AK9: variants seen among roughly 807,000 people sequenced by gnomAD.
AK9 encodes the protein adenylate kinase 9.
In AK9, 191 loss-of-function variants were observed where a neutral mutation model predicts 239.6. The ratio of observed to expected loss-of-function variants is 0.80; its 90% CI spans 0.71 to 0.90. The LOEUF (loss-of-function observed/expected upper bound fraction) is 0.90. Ranked by LOEUF, AK9 falls within the 40% of genes least tolerant of loss-of-function variation. AK9 has a pLI of 0.00. For missense variants in AK9, 1,995 were observed against 2,214.7 expected (o/e 0.90, Z 1.99); for synonymous variants, 689 against 721.0 (o/e 0.96, Z 0.71).
chr6:109,610,507 G>A lies in AK9; in HGVS notation c.1700C>T (p.Thr567Ile), dbSNP rs200256350. The change falls in exon 17 of 41, where the codon ACA (threonine) becomes ATA (isoleucine). Residue 567 changes from threonine to isoleucine, a missense_variant. Physicochemically the swap from Thr to Ile is moderately conservative, Grantham distance 89. Coordinates refer to ENST00000424296, the MANE Select transcript of AK9 (RefSeq NM_001145128.3). Reference protein sequence around the residue: ...DVKLYSDTAPTEDLIEEVTAD... With the variant: ...DVKLYSDTAPIEDLIEEVTAD... ...AGTTACCTCTTCTATCAAGTCTTCT[G>A]TTGGGGCTAAAGTAAAATAAGCTGA... 361 of 1,550,396 alleles carry A rather than the reference G, an allele frequency of 2.3e-4. 1 individual carries two copies. Among genetic ancestry groups the A allele is most frequent in the Non-Finnish European group, 3.0e-4 (346 of 1,146,546 alleles).
At chr6:109,667,559 C>T (rs927955093) in intron 5 of AK9, among the ~76,000 whole-genome samples, 1 of 151,836 alleles carries the variant, frequency 6.6e-6, no homozygotes, top group Non-Finnish European at 1.5e-5. Context: ...CCTCTCCCCC[C>T]ATCCCACAAC....
At chr6:109,558,564 C>T (rs1157012130) in intron 24 of AK9, among the ~76,000 whole-genome samples, 1 of 152,132 alleles carries the variant, frequency 6.6e-6, no homozygotes, top group East Asian at 1.9e-4. Flanking sequence ...TCTGGACTCT[C>T]TTGTGTTCTA....
At chr6:109,589,521 A>G (rs1476953930) in intron 17 of AK9, among the ~76,000 whole-genome samples, 2 of 152,078 alleles carry the variant, frequency 1.3e-5, no homozygotes, top group Non-Finnish European at 2.9e-5. Context: ...AACAGTAGAG[A>G]TTATTTGAGT....
intron 7 of AK9, 40 bp downstream of exon 7, chr6:109,659,187 TA>T: frequency 6.8e-7 from 1 of 1,466,128 alleles, no homozygotes; most frequent in Non-Finnish European, 9.0e-7. Context: ...ATAGCAATTT[TA>T]AAAAGTGTAG....
intron 7 of AK9, among the ~76,000 whole-genome samples, chr6:109,657,165 A>G (rs1799805053): frequency 6.6e-6 from 1 of 152,186 alleles, no homozygotes; most frequent in Admixed American, 6.5e-5. Flanking sequence ...TTCAGAGACA[A>G]AATAGAGAAA....
At position 109,671,914 on chromosome 6, in the gene AK9, C is replaced by A. The variant is rs760010626; in HGVS notation, c.331+5G>T. On this transcript the variant is annotated splice_donor_5th_base_variant and intron_variant, in intron 5 of 40. Coordinates refer to ENST00000424296, the MANE Select transcript of AK9 (RefSeq NM_001145128.3). ...TGGGCTGTAAATATATTAAAATAAA[C>A]ATACCAAAGTGACAGACTTCTGGGG... 1.2e-6 allele frequency: 2 copies of A among 1,611,662 alleles called. No individual in the cohort carries two copies. The highest frequency in any genetic ancestry group is 1.3e-5 in the African/African-American group (1 of 74,812).
intron 31 of AK9, among the ~76,000 whole-genome samples, chr6:109,515,283 A>G (rs979381714): frequency 6.6e-6 from 1 of 152,194 alleles, no homozygotes; most frequent in African/African-American, 2.4e-5. Flanking sequence ...TCCCACTCAC[A>G]TAAACATTAA....
chr6:109,659,449 T>G (rs374195058), intron 6 of AK9, 36 bp from the exon 7 acceptor site: 1 of 1,565,138 alleles, frequency 6.4e-7, no homozygotes, highest in Non-Finnish European at 8.7e-7. Context: ...TTAAAACATT[T>G]TGAATATGCT....
At chr6:109,502,835 A>C (rs1268306757) in intron 35 of AK9, among the ~76,000 whole-genome samples, 1 of 152,178 alleles carries the variant, frequency 6.6e-6, no homozygotes, top group Non-Finnish European at 1.5e-5. Context: ...TGAGCATGGC[A>C]GTGGGCTCTT....
rs536373564 is a variant in AK9 at position 109,517,545 on chromosome 6, A to G, written c.3634-903T>C. ...TTACCTGTAAAATAAGAATAATAAA[A>G]GTATCTCACAGGGTTGCTGGGAGCA... On this transcript the variant is annotated intron_variant, in intron 29 of 40. Transcript: ENST00000424296. Among the ~76,000 whole-genome samples the G allele has an allele frequency of 1.5e-4, 23 of 152,322 alleles. No homozygotes were observed. The Middle Eastern group carries it at 0.01, about 68-fold the overall frequency.
At chr6:109,546,610 C>T (rs969158692) in intron 25 of AK9, among the ~76,000 whole-genome samples, 2 of 152,206 alleles carry the variant, frequency 1.3e-5, no homozygotes, top group African/African-American at 4.8e-5. Flanking sequence ...AATGAAGCAG[C>T]AGCTAAGTCT....
intron 38 of AK9, among the ~76,000 whole-genome samples, chr6:109,495,867 T>C (rs2115391920): frequency 6.6e-6 from 1 of 151,824 alleles, no homozygotes; most frequent in South Asian, 2.1e-4. Context: ...CACCGCTCCC[T>C]CTCTCCAGGC....
chr6:109,670,632 TTA>T (rs1222172102), intron 5 of AK9, among the ~76,000 whole-genome samples: 4 of 152,202 alleles, frequency 2.6e-5, no homozygotes, highest in Non-Finnish European at 5.9e-5. Flanking sequence ...TACTTATAAT[TTA>T]TGTCATCTTT....
intron 7 of AK9, among the ~76,000 whole-genome samples, chr6:109,657,548 T>G: frequency 1.1e-5 from 1 of 94,560 alleles, no homozygotes; most frequent in African/African-American, 2.9e-5. Context: ...CAAGTTTCTT[T>G]CTTTTTTTTT....
chr6:109,575,137 A>C (rs1163592367), intron 20 of AK9, among the ~76,000 whole-genome samples: 1 of 152,026 alleles, frequency 6.6e-6, no homozygotes, highest in Non-Finnish European at 1.5e-5. Context: ...GCTGCTATAA[A>C]CGTGTGTGTG....
At chr6:109,599,601 A>C (rs1791612628) in intron 17 of AK9, among the ~76,000 whole-genome samples, 1 of 152,118 alleles carries the variant, frequency 6.6e-6, no homozygotes, top group South Asian at 2.1e-4. Context: ...GTTTTTTCCA[A>C]TTCTGTGAAG....
chr6:109,566,970 G>A (rs1398449547), intron 21 of AK9, among the ~76,000 whole-genome samples: 6 of 152,136 alleles, frequency 3.9e-5, no homozygotes, highest in Non-Finnish European at 8.8e-5. Flanking sequence ...GCCCACAAGA[G>A]AAAGCAGGCA....
intron 21 of AK9, among the ~76,000 whole-genome samples, chr6:109,569,255 C>T (rs535031023): frequency 1.3e-5 from 2 of 152,256 alleles, no homozygotes; most frequent in African/African-American, 2.4e-5. Context: ...GGATCCCTTC[C>T]TTACATCTTA....
rs73519203 is a variant in AK9 at position 109,579,912 on chromosome 6, G to C, written c.2115-286C>G. 8.2e-3 allele frequency among the ~76,000 whole-genome samples: 1,243 copies of C among 152,120 alleles called. 26 individuals are homozygous for C. The highest frequency in any genetic ancestry group is 0.027 in the African/African-American group (1,104 of 41,498). On this transcript the variant is annotated intron_variant, in intron 19 of 40. Transcript: ENST00000424296. Reference sequence around the variant, plus strand: ...CTGTATGTTGAAAAGGCAAATGGAAGGATTTGTAGCATTTTTCCTCTGATT... The same window carrying C: ...CTGTATGTTGAAAAGGCAAATGGAACGATTTGTAGCATTTTTCCTCTGATT...
Sources: allele counts gnomAD v4.1 joint callset (sites outside exome capture counted in the v4.1 genomes callset), GRCh38; gene constraint gnomAD v4.1.1; transcripts MANE v1.5; gene names NCBI Gene and HGNC (gene_info 2026-07-23, HGNC 2026-07-21).